The following KNDC1 variants were observed in gnomAD, a reference collection of about 807,000 sequenced individuals.
KNDC1 encodes kinase non-catalytic C-lobe domain-containing protein 1.
A neutral mutation model predicts 172.8 loss-of-function variants in KNDC1; 106 were observed. The observed-to-expected ratio is 0.61, with a 90% CI of 0.52 to 0.72. KNDC1 has a LOEUF of 0.72. Ranked by LOEUF, KNDC1 falls within the 30% of genes least tolerant of loss-of-function variation. KNDC1 has a pLI of 0.00. For missense variants in KNDC1, 2,325 were observed against 2,394.5 expected, an observed-to-expected ratio of 0.97 and a Z score of 0.61; for synonymous variants, 1,083 against 1,062.2, an observed-to-expected ratio of 1.02 and a Z score of -0.38.
At position 133,199,003 on chromosome 10, in the gene KNDC1, C is replaced by T; in HGVS notation, c.2495C>T (p.Pro832Leu). 3 of 1,559,954 alleles carry T rather than the reference C, an allele frequency of 1.9e-6. No homozygotes were observed. Among genetic ancestry groups the T allele is most frequent in the South Asian group, 1.2e-5 (1 of 85,684 alleles). Residue 832 changes from proline to leucine, a missense_variant, in exon 14 of 30, where the codon CCA becomes CTA. Coordinates refer to ENST00000304613, the MANE Select transcript of KNDC1 (RefSeq NM_152643.8). Reference protein sequence around the residue: ...HHGPRHPPKPPRSKATERPGQ... With the variant: ...HHGPRHPPKPLRSKATERPGQ... ...GGCCCACGCCACCCGCCCAAGCCCC[C>T]ACGAAGCAAGGCCACCGAGCGCCCG... is the stretch of plus-strand genomic sequence containing the variant.
chr10:133,206,468 CTGCCCTGTGAGCCT>C (rs1845196498), intron 17 of KNDC1, among the ~76,000 whole-genome samples: 1 of 151,684 alleles, frequency 6.6e-6, no homozygotes, highest in Non-Finnish European at 1.5e-5. Context: ...AAGCTGGGCA[CTGCCCTGTGAGCCT>C]GGGGGCAGCC....
rs375686424 is a variant in KNDC1, at chr10:133,222,077, T to A, written c.5018+1965T>A. ...CGGGCGGATCACTTGAGGTCAGGAG[T>A]TCAAGACCAGCCTGGCCAACATGGT... On this transcript the variant is annotated intron_variant, in intron 29 of 29. Coordinates refer to ENST00000304613, the MANE Select transcript of KNDC1 (RefSeq NM_152643.8). Among the ~76,000 whole-genome samples, 385 of 145,888 alleles carry A rather than the reference T, an allele frequency of 2.6e-3. 65 individuals are homozygous for A. The East Asian group carries it at 0.03, about 12-fold the overall frequency.
intron 9 of KNDC1, among the ~76,000 whole-genome samples, chr10:133,192,766 C>T (rs1192905935): frequency 6.6e-6 from 1 of 151,908 alleles, no homozygotes; most frequent in Non-Finnish European, 1.5e-5. Context: ...AGAAAATAGA[C>T]CAAAAGAACT....
intron 16 of KNDC1, among the ~76,000 whole-genome samples, chr10:133,201,227 G>T (rs1033907712): frequency 4.6e-5 from 7 of 152,186 alleles, no homozygotes; most frequent in Non-Finnish European, 5.9e-5. Context: ...CCCACCCCGG[G>T]GCGAGTACGA....
chr10:133,162,017 CG>C (rs1191879139), intron 1 of KNDC1, among the ~76,000 whole-genome samples: 5 of 152,206 alleles, frequency 3.3e-5, no homozygotes, highest in Admixed American at 6.5e-5. Context: ...GTCCTCGGGC[CG>C]GCCGGACAGC....
In KNDC1 at chr10:133,185,945, A is replaced by G. The variant is rs771871663; in HGVS notation, c.626-29A>G. On this transcript the variant is annotated intron_variant, in intron 5 of 29. Coordinates refer to ENST00000304613, the MANE Select transcript of KNDC1 (RefSeq NM_152643.8). ...GAGGGGAGGGGCGGGAGGGGCACCCAGCCGTGACCACATCTTGCTTGTGCC... is the reference window on the plus strand; with the variant it reads ...GAGGGGAGGGGCGGGAGGGGCACCCGGCCGTGACCACATCTTGCTTGTGCC... 4.7e-6 allele frequency: 5 copies of G among 1,069,066 alleles called. No individual in the cohort carries two copies. In the East Asian group the frequency reaches 1.9e-4, roughly 40 times the overall value. 66.2% of individuals were successfully genotyped at this position (1,069,066 alleles called of 1,614,324 possible).
intron 12 of KNDC1, 149 bp from the exon 13 acceptor site, chr10:133,198,188 C>A: frequency 1.0e-6 from 1 of 964,964 alleles, no homozygotes; most frequent in Non-Finnish European, 1.5e-6. Context: ...CATTCCAGGG[C>A]CCAGCACAGA....
chr10:133,173,873 C>T (rs1290637232), intron 3 of KNDC1: 3 of 152,378 alleles, frequency 2.0e-5, no homozygotes, highest in East Asian at 1.9e-4. Flanking sequence ...CGTCTCTAAA[C>T]TTCCAAACAC....
In KNDC1 at chr10:133,200,415, A is replaced by C. The variant is rs202144544; in HGVS notation, c.2944A>C (p.Ser982Arg). 3.8e-6 allele frequency: 6 copies of C among 1,598,782 alleles called. No individual in the cohort carries two copies. Among genetic ancestry groups the C allele is most frequent in the Non-Finnish European group, 5.1e-6 (6 of 1,173,690 alleles). Residue 982 changes from serine (S) to arginine (R), a missense_variant, in exon 16 of 30, where the codon AGC becomes CGC. By Grantham distance (110) the Ser-to-Arg change is moderately radical. Transcript: ENST00000304613. Reference protein sequence around the residue: ...EAGSQLEGSQSPRSPSSKRPS... With the variant: ...EAGSQLEGSQRPRSPSSKRPS... ...TGGGTCACAGCTCGAGGGCAGCCAA[A>C]GCCCCCGCTCCCCGTCCAGCAAGAG...
chr10:133,170,182 G>A (rs905638753), intron 3 of KNDC1, among the ~76,000 whole-genome samples: 2 of 152,250 alleles, frequency 1.3e-5, no homozygotes, highest in Non-Finnish European at 1.5e-5. Context: ...TTCCTGGTGT[G>A]TACACCAAGA....
At chr10:133,183,281 TG>T in intron 3 of KNDC1, 62 bp from the exon 4 acceptor site, 1 of 1,486,542 alleles carries the variant, frequency 6.7e-7, no homozygotes, top group Non-Finnish European at 9.0e-7. Flanking sequence ...GGAGAAGTGC[TG>T]GCCGCGGTCG....
At position 133,214,011 on chromosome 10, in the gene KNDC1, C is replaced by T. The variant is rs765003450; in HGVS notation, c.4566C>T (p.Ser1522=). 6.2e-7 allele frequency: 1 copy of T among 1,614,184 alleles called. No individual in the cohort carries two copies. Among genetic ancestry groups the T allele is most frequent in the Non-Finnish European group, 8.5e-7 (1 of 1,179,976 alleles). The change falls in exon 26 of 30, where the codon AGC becomes AGT. Residue 1522 remains serine, a synonymous_variant. Coordinates refer to ENST00000304613, the MANE Select transcript of KNDC1 (RefSeq NM_152643.8). The part of the protein sequence containing the change: ...SSESLSAKTC[S]LFLPNYVQDK... ...AGTCTCTTTCGGCCAAAACCTGCAG[C>T]TTATTTCTGCCCAATTACGTTCAGG...
intron 17 of KNDC1, among the ~76,000 whole-genome samples, chr10:133,205,191 C>G (rs1038695742): frequency 6.6e-6 from 1 of 152,172 alleles, no homozygotes; most frequent in Non-Finnish European, 1.5e-5. Context: ...GTGCCTGTCC[C>G]GTAGGACAGA....
At chr10:133,170,818 C>T (rs1260505184) in intron 3 of KNDC1, among the ~76,000 whole-genome samples, 1 of 152,232 alleles carries the variant, frequency 6.6e-6, no homozygotes. Context: ...GCTGTGATAT[C>T]ACATCACGTG....
intron 1 of KNDC1, among the ~76,000 whole-genome samples, chr10:133,161,830 A>G (rs1378117697): frequency 6.6e-6 from 1 of 152,142 alleles, no homozygotes. Context: ...AGCTCTTCCC[A>G]CAGCTCCTTC....
At chr10:133,214,202 G>A (rs1034137852) in intron 26 of KNDC1, 80 bp downstream of exon 26, 30 of 1,499,084 alleles carry the variant, frequency 2.0e-5, no homozygotes, top group East Asian at 4.6e-5. Context: ...CTATAAGGCC[G>A]TGGCCTGAAC....
At chr10:133,210,758 C>G in intron 21 of KNDC1, 34 bp downstream of exon 21, 1 of 1,547,570 alleles carries the variant, frequency 6.5e-7, no homozygotes, top group African/African-American at 1.4e-5. Flanking sequence ...CCCGCCAGAG[C>G]TTCCCCCTGG....
At chr10:133,173,562 T>C (rs1411736495) in intron 3 of KNDC1, among the ~76,000 whole-genome samples, 1 of 152,224 alleles carries the variant, frequency 6.6e-6, no homozygotes, top group Non-Finnish European at 1.5e-5. Flanking sequence ...AACAGATTGG[T>C]TTTTTCTTAC....
In KNDC1 at chr10:133,224,435, C is replaced by T. The variant is rs1241390344; in HGVS notation, c.5019-224C>T. ...CCTGAGCCTGCAGGGTTTCCATAAGCGTGTGTGGACTGAAATGTGGATGGA... is the reference window on the plus strand; with the variant it reads ...CCTGAGCCTGCAGGGTTTCCATAAGTGTGTGTGGACTGAAATGTGGATGGA... On this transcript the variant is annotated intron_variant, in intron 29 of 29. Transcript: ENST00000304613. This position sits in a 1 kb window ranked among gnomAD's most constrained non-coding sequence, Gnocchi z 5.4. Among the ~76,000 whole-genome samples, 2 of 152,106 alleles carry T rather than the reference C, an allele frequency of 1.3e-5. No homozygotes were observed. Among genetic ancestry groups the T allele is most frequent in the Non-Finnish European group, 2.9e-5 (2 of 68,032 alleles).
Sources: allele counts gnomAD v4.1 joint callset (sites outside exome capture counted in the v4.1 genomes callset), GRCh38; gene constraint gnomAD v4.1.1; non-coding constraint Gnocchi (gnomAD v3.1); transcripts MANE v1.5; gene names NCBI Gene and HGNC (gene_info 2026-07-23, HGNC 2026-07-21).